GOLM2: variants seen among roughly 807,000 people sequenced by gnomAD.
GOLM2 encodes the protein protein GOLM2.
Under a neutral mutation model 55.9 loss-of-function variants are expected in GOLM2, and 26 were observed. The observed-to-expected ratio is 0.47, with a 90% CI of 0.34 to 0.65. The LOEUF (loss-of-function observed/expected upper bound fraction) is 0.65. Ranked by LOEUF, GOLM2 falls within the 30% of genes least tolerant of loss-of-function variation. The pLI is 0.01. For synonymous variants in GOLM2, 165 were observed against 194.6 expected, an observed-to-expected ratio of 0.85 and a Z score of 1.27; for missense variants, 486 against 531.8, an observed-to-expected ratio of 0.91 and a Z score of 0.85.
chr15:44,358,771 G>A (rs1455167964), intron 6 of GOLM2, among the ~76,000 whole-genome samples: 4 of 152,122 alleles, frequency 2.6e-5, no homozygotes, highest in African/African-American at 9.7e-5. Flanking sequence ...AGAAAACCTG[G>A]ATTACCTTGG....
chr15:44,388,273 C>CAA (rs35283840), intron 8 of GOLM2, among the ~76,000 whole-genome samples: 4,035 of 68,524 alleles, frequency 0.059, 284 homozygotes, highest in African/African-American at 0.18. Context: ...GACCCTGTCT[C>CAA]AAAAAAAAAA....
At chr15:44,338,889 C>T (rs531044153) in intron 6 of GOLM2, among the ~76,000 whole-genome samples, 1 of 152,224 alleles carries the variant, frequency 6.6e-6, no homozygotes, top group East Asian at 1.9e-4. Flanking sequence ...TGAAGGCCTG[C>T]TCCCACTTGC....
At chr15:44,322,110 G>A (rs1348039390) in intron 1 of GOLM2, among the ~76,000 whole-genome samples, 2 of 152,150 alleles carry the variant, frequency 1.3e-5, no homozygotes, top group Non-Finnish European at 2.9e-5. Flanking sequence ...GCTCATGCCT[G>A]TAATCCCAGC....
intron 1 of GOLM2, among the ~76,000 whole-genome samples, chr15:44,322,035 G>A (rs922788222): frequency 1.4e-4 from 21 of 151,826 alleles, no homozygotes; most frequent in African/African-American, 4.6e-4. Context: ...ACTCCAGCCT[G>A]GTTGACAAAG....
chr15:44,371,525 C>T (rs776538618), intron 6 of GOLM2, among the ~76,000 whole-genome samples: 22 of 152,162 alleles, frequency 1.4e-4, no homozygotes, highest in Non-Finnish European at 2.5e-4. Flanking sequence ...GTCCCACTAA[C>T]CAGTATTTGA....
At chr15:44,394,316 A>C (rs1488237379) in intron 8 of GOLM2, among the ~76,000 whole-genome samples, 1 of 152,218 alleles carries the variant, frequency 6.6e-6, no homozygotes, top group Non-Finnish European at 1.5e-5. Flanking sequence ...CAGGGGATAC[A>C]TTCTGAGAAA....
At chr15:44,400,500 A>G (rs1344705165) in intron 8 of GOLM2, among the ~76,000 whole-genome samples, 1 of 147,964 alleles carries the variant, frequency 6.8e-6, no homozygotes, top group African/African-American at 2.5e-5. Context: ...TATTTTTAGT[A>G]GACACAGGGT....
chr15:44,403,152 T>G, intron 9 of GOLM2, 98 bp downstream of exon 9: 1 of 1,383,532 alleles, frequency 7.2e-7, no homozygotes, highest in Non-Finnish European at 1.0e-6. Flanking sequence ...TTAGTGGCAG[T>G]GTAACCTAAA....
Position 44,414,269 on chromosome 15 carries a change from A to G in GOLM2, c.*863A>G, listed in dbSNP as rs1014944745. 2.6e-5 allele frequency: 4 copies of G among 152,344 alleles called. No individual in the cohort carries two copies. Among genetic ancestry groups the G allele is most frequent in the South Asian group, 4.1e-4 (2 of 4,830 alleles). 9.4% of individuals were successfully genotyped at this position (152,344 alleles called of 1,614,324 possible). On this transcript the variant is annotated 3_prime_UTR_variant, in exon 10 of 10. Coordinates refer to ENST00000299957, the MANE Select transcript of GOLM2 (RefSeq NM_138423.4). ...CCAAACACTGTACAGTATTGTGTAG[A>G]AAGTCACCTCCCTACTCCTTTTATT...
At chr15:44,405,392 G>A (rs1187338047) in intron 9 of GOLM2, 2 of 152,168 alleles carry the variant, frequency 1.3e-5, no homozygotes, top group Admixed American at 1.3e-4. Flanking sequence ...GATAGTGGCA[G>A]GATAGGGCAC....
In GOLM2 at chr15:44,322,985, A is replaced by G. The variant is rs2078961129; in HGVS notation, c.348A>G (p.Ile116Met). 6.3e-7 allele frequency: 1 copy of G among 1,579,136 alleles called. No individual in the cohort carries two copies. Among genetic ancestry groups the G allele is most frequent in the Admixed American group, 1.9e-5 (1 of 53,134 alleles). ...TTCAGGTTAAACTACAGAACAACAT[A>G]TCGTATCAGATGGCAGACATACATC... ...EDDKVKLQNN[I>M]SYQMADIHHL... The change falls in exon 2 of 10, where the codon ATA becomes ATG. Residue 116 changes from isoleucine to methionine, a missense_variant. Ile to Met is a conservative substitution (Grantham distance 10). Coordinates refer to ENST00000299957, the MANE Select transcript of GOLM2 (RefSeq NM_138423.4).
intron 6 of GOLM2, among the ~76,000 whole-genome samples, chr15:44,349,119 C>A (rs201982940): frequency 1.3e-5 from 2 of 151,642 alleles, no homozygotes; most frequent in East Asian, 1.9e-4. Flanking sequence ...ATTAGTGGGA[C>A]GTGGTGGTGC....
At chr15:44,375,611 C>A (rs1381929218) in intron 6 of GOLM2, among the ~76,000 whole-genome samples, 3 of 151,736 alleles carry the variant, frequency 2.0e-5, no homozygotes, top group Non-Finnish European at 4.4e-5. Context: ...GACCTCCTCT[C>A]TACAAAAAAA....
At chr15:44,362,009 G>A (rs1428458003) in intron 6 of GOLM2, among the ~76,000 whole-genome samples, 8 of 152,006 alleles carry the variant, frequency 5.3e-5, no homozygotes, top group Non-Finnish European at 8.8e-5. Flanking sequence ...CATGCTAAAA[G>A]CTCTCAATAA....
At chr15:44,328,594 T>C in intron 2 of GOLM2, 91 bp from the exon 3 acceptor site, 2 of 708,304 alleles carry the variant, frequency 2.8e-6, no homozygotes, top group Non-Finnish European at 2.3e-6. Flanking sequence ...TTGAGAATTA[T>C]GTATAATTAA....
chr15:44,391,285 C>T lies in GOLM2; in HGVS notation c.1072+10309C>T, dbSNP rs532917200. Among the ~76,000 whole-genome samples the T allele has an allele frequency of 1.3e-3, 204 of 152,040 alleles. 1 individual carries two copies. Among genetic ancestry groups the T allele is most frequent in the African/African-American group, 4.6e-3 (191 of 41,488 alleles). Reference sequence around the variant, plus strand: ...ATCCCAGCACTTTGGGAGGCTGAGGCGGGCAGATCACGAGGTCGGGAGATC... The same window carrying T: ...ATCCCAGCACTTTGGGAGGCTGAGGTGGGCAGATCACGAGGTCGGGAGATC... On this transcript the variant is annotated intron_variant, in intron 8 of 9. Transcript: ENST00000299957.
At chr15:44,309,260 T>C (rs1233096889) in intron 1 of GOLM2, among the ~76,000 whole-genome samples, 1 of 152,140 alleles carries the variant, frequency 6.6e-6, no homozygotes, top group Non-Finnish European at 1.5e-5. Flanking sequence ...TATATTATGA[T>C]CTGGCAATCC....
chr15:44,366,296 C>CAAAAAA (rs34413737), intron 6 of GOLM2, among the ~76,000 whole-genome samples: 6 of 55,504 alleles, frequency 1.1e-4, no homozygotes, highest in Non-Finnish European at 1.1e-4. Context: ...GACTCCGTCT[C>CAAAAAA]AAAAAAAAAA....
chr15:44,360,953 A>G (rs1211179196), intron 6 of GOLM2, among the ~76,000 whole-genome samples: 2 of 151,884 alleles, frequency 1.3e-5, no homozygotes, highest in African/African-American at 4.8e-5. Flanking sequence ...CTGAATGACT[A>G]CTGGGTACAT....
Sources: allele counts gnomAD v4.1 joint callset (sites outside exome capture counted in the v4.1 genomes callset), GRCh38; gene constraint gnomAD v4.1.1; transcripts MANE v1.5; gene names NCBI Gene and HGNC (gene_info 2026-07-23, HGNC 2026-07-21).